Variants in KCNH5 observed in about 807,000 individuals in gnomAD.
KCNH5 encodes the protein voltage-gated delayed rectifier potassium channel KCNH5.
A neutral mutation model predicts 96.1 loss-of-function variants in KCNH5; 46 were observed. The ratio of observed to expected loss-of-function variants is 0.48; its 90% CI spans 0.38 to 0.61. The LOEUF is 0.61. Among genes scored for constraint, KCNH5 ranks in the 20% least tolerant of loss-of-function variants. The pLI, the probability that KCNH5 is intolerant of heterozygous loss-of-function variation, is 0.00. For missense variants in KCNH5, 907 were observed against 1,225.8 expected (o/e 0.74, Z 3.88); for synonymous variants, 439 against 449.8 (o/e 0.98, Z 0.30).
At chr14:62,958,219 T>C (rs1471105970) in intron 6 of KCNH5, among the ~76,000 whole-genome samples, 2 of 152,248 alleles carry the variant, frequency 1.3e-5, no homozygotes, top group African/African-American at 4.8e-5. Context: ...ATGCTTTGCA[T>C]GGATTGACGC....
At chr14:62,845,547 G>A (rs1887673966) in intron 8 of KCNH5, among the ~76,000 whole-genome samples, 1 of 152,176 alleles carries the variant, frequency 6.6e-6, no homozygotes, top group Non-Finnish European at 1.5e-5. Context: ...AGGGGACAAA[G>A]GTGGAAGCAC....
intron 7 of KCNH5, among the ~76,000 whole-genome samples, chr14:62,852,247 G>C (rs1887821252): frequency 1.3e-5 from 2 of 152,034 alleles, no homozygotes; most frequent in South Asian, 2.1e-4. Context: ...ATTACCCATA[G>C]TTGCCCTATT....
At chr14:62,996,298 A>G (rs1321035373) in intron 4 of KCNH5, among the ~76,000 whole-genome samples, 1 of 152,198 alleles carries the variant, frequency 6.6e-6, no homozygotes, top group Non-Finnish European at 1.5e-5. Context: ...CACACCATTC[A>G]TAGTTACATT....
chr14:62,935,622 C>T (rs1889665247), intron 7 of KCNH5, among the ~76,000 whole-genome samples: 1 of 152,172 alleles, frequency 6.6e-6, no homozygotes, highest in Non-Finnish European at 1.5e-5. Context: ...TCCTTCCCAC[C>T]CCTGCCTGCC....
At chr14:62,882,874 A>T (rs559206912) in intron 7 of KCNH5, among the ~76,000 whole-genome samples, 1 of 152,330 alleles carries the variant, frequency 6.6e-6, no homozygotes, top group South Asian at 2.1e-4. Context: ...AAACTAAGCT[A>T]AAAAAGTTTT....
chr14:63,016,337 T>A (rs1369862718), intron 2 of KCNH5, among the ~76,000 whole-genome samples: 1 of 152,110 alleles, frequency 6.6e-6, no homozygotes, highest in East Asian at 1.9e-4. Context: ...GATTCTGTTG[T>A]ACATGAGTCA....
chr14:62,757,605 T>C (rs941689462), intron 10 of KCNH5, among the ~76,000 whole-genome samples: 3 of 150,136 alleles, frequency 2.0e-5, no homozygotes, highest in African/African-American at 4.9e-5. Flanking sequence ...TGTAGTACTA[T>C]TCAGCCAAAA....
intron 7 of KCNH5, among the ~76,000 whole-genome samples, chr14:62,906,344 GT>G (rs1239137197): frequency 6.6e-6 from 1 of 152,156 alleles, no homozygotes; most frequent in African/African-American, 2.4e-5. Flanking sequence ...TATAGAAAAG[GT>G]TGAGCTGACC....
chr14:62,805,863 G>A (rs1324739220), intron 8 of KCNH5, among the ~76,000 whole-genome samples: 2 of 152,116 alleles, frequency 1.3e-5, no homozygotes, highest in African/African-American at 2.4e-5. Context: ...AAATTTTCTT[G>A]TAAGAGCTAT....
chr14:62,893,122 G>A (rs938168280), intron 7 of KCNH5, among the ~76,000 whole-genome samples: 2 of 152,168 alleles, frequency 1.3e-5, no homozygotes, highest in African/African-American at 4.8e-5. Flanking sequence ...CTTCTAGAAA[G>A]AATTCACCAT....
At chr14:63,002,967 A>AC (rs1891038720) in intron 3 of KCNH5, among the ~76,000 whole-genome samples, 1 of 152,170 alleles carries the variant, frequency 6.6e-6, no homozygotes, top group African/African-American at 2.4e-5. Flanking sequence ...AAATCACCAG[A>AC]CCCAGACGTT....
rs568283569 is a variant in KCNH5, at chr14:62,700,636, A to G, written c.*6872T>C. The G allele has an allele frequency of 6.6e-6, 1 of 152,348 alleles. No individual in the cohort carries two copies. The highest frequency in any genetic ancestry group is 1.9e-4 in the East Asian group (1 of 5,186). The allele number at this position is 152,348 out of a possible 1,614,324, so 9.4% of individuals were successfully genotyped here. ...AGTTGACAGTTCATGGCTGTGACAT[A>G]ATATACCAATATTAAATACTTAGGA... On this transcript the variant is annotated 3_prime_UTR_variant, in exon 11 of 11. Transcript: ENST00000322893.
intron 7 of KCNH5, among the ~76,000 whole-genome samples, chr14:62,944,537 T>C (rs1889849365): frequency 6.6e-6 from 1 of 152,098 alleles, no homozygotes; most frequent in Admixed American, 6.6e-5. Context: ...CTATGGCTGC[T>C]AGCACATATT....
At chr14:62,930,002 T>C (rs1889550241) in intron 7 of KCNH5, among the ~76,000 whole-genome samples, 1 of 152,124 alleles carries the variant, frequency 6.6e-6, no homozygotes, top group African/African-American at 2.4e-5. Context: ...CCGTGGTGTA[T>C]ATGTAGCACA....
chr14:63,006,481 G>T lies in KCNH5; in HGVS notation c.198-9C>A. 2 of 1,466,306 alleles carry T rather than the reference G, an allele frequency of 1.4e-6. No homozygotes were observed. The highest frequency in any genetic ancestry group is 1.2e-5 in the South Asian group (1 of 84,776). 90.8% of individuals were successfully genotyped at this position (1,466,306 alleles called of 1,614,324 possible). A position where few individuals can be genotyped will look rare whatever the true frequency, so the allele number is the denominator to read the frequency against. On this transcript the variant is annotated splice_polypyrimidine_tract_variant and intron_variant, in intron 2 of 10. Coordinates refer to ENST00000322893, the MANE Select transcript of KCNH5 (RefSeq NM_139318.5). ...ATTCCCCATACATAAAACTGGGGGG[G>T]AAAAAAAACAAACAATCGATTTCAC...
intron 9 of KCNH5, among the ~76,000 whole-genome samples, chr14:62,786,140 G>A (rs945420083): frequency 8.5e-5 from 13 of 152,242 alleles, no homozygotes; most frequent in Middle Eastern, 3.4e-3. Flanking sequence ...GCAGTGAGCC[G>A]AGATCACGCC....
chr14:62,717,347 G>A (rs929586259), intron 10 of KCNH5, among the ~76,000 whole-genome samples: 1 of 152,086 alleles, frequency 6.6e-6, no homozygotes, highest in African/African-American at 2.4e-5. Flanking sequence ...TGGAAAAAGA[G>A]AACAAAGTTG....
intron 8 of KCNH5, among the ~76,000 whole-genome samples, chr14:62,804,533 T>G (rs965645369): frequency 6.6e-6 from 1 of 152,000 alleles, no homozygotes. Context: ...AAAGGGACAA[T>G]TGCAATACAA....
chr14:62,832,521 T>A (rs2140028905), intron 8 of KCNH5, among the ~76,000 whole-genome samples: 1 of 152,334 alleles, frequency 6.6e-6, no homozygotes, highest in African/African-American at 2.4e-5. Context: ...CATGGGCATT[T>A]AAGTTGTTTC....
Sources: allele counts gnomAD v4.1 joint callset (sites outside exome capture counted in the v4.1 genomes callset), GRCh38; gene constraint gnomAD v4.1.1; transcripts MANE v1.5; gene names NCBI Gene and HGNC (gene_info 2026-07-23, HGNC 2026-07-21).